The following PTPN13 variants were observed in gnomAD, a reference collection of about 807,000 sequenced individuals.
PTPN13 encodes protein tyrosine phosphatase non-receptor type 13, also known as tyrosine-protein phosphatase non-receptor type 13.
Under a neutral mutation model 284.0 loss-of-function variants are expected in PTPN13, and 191 were observed. The observed-to-expected ratio is 0.67, with a 90% CI of 0.60 to 0.76. The LOEUF is 0.76. Ranked by LOEUF, PTPN13 falls within the 30% of genes least tolerant of loss-of-function variation. PTPN13 has a pLI of 0.00. For missense variants in PTPN13, 2,797 were observed against 2,939.9 expected (o/e 0.95, Z 1.12); for synonymous variants, 986 against 1,022.3 (o/e 0.96, Z 0.68).
At chr4:86,707,732 A>C (rs1260693847) in intron 7 of PTPN13, among the ~76,000 whole-genome samples, 2 of 152,128 alleles carry the variant, frequency 1.3e-5, no homozygotes, top group African/African-American at 4.8e-5. Flanking sequence ...GTTATTATTT[A>C]AGTTACTCCG....
intron 43 of PTPN13, 23 bp from the exon 44 acceptor site, chr4:86,805,256 T>C: frequency 6.7e-7 from 1 of 1,485,016 alleles, no homozygotes; most frequent in African/African-American, 1.4e-5. Context: ...CTCAACAAAT[T>C]TATTTCCATG....
At chr4:86,628,320 C>T (rs1722061775) in intron 1 of PTPN13, among the ~76,000 whole-genome samples, 1 of 151,830 alleles carries the variant, frequency 6.6e-6, no homozygotes, top group African/African-American at 2.4e-5. Context: ...TTCCTAATGA[C>T]TAATGATGTT....
chr4:86,806,314 T>C (rs1040655526), intron 44 of PTPN13, among the ~76,000 whole-genome samples: 1 of 152,166 alleles, frequency 6.6e-6, no homozygotes, highest in African/African-American at 2.4e-5. Context: ...GCCACATGTA[T>C]ATATGTTAGC....
intron 2 of PTPN13, among the ~76,000 whole-genome samples, chr4:86,650,539 A>T (rs1724969920): frequency 1.3e-5 from 2 of 152,010 alleles, no homozygotes; most frequent in South Asian, 4.1e-4. Context: ...CCTGCCTCAG[A>T]CTATCCACCT....
At chr4:86,723,273 G>T (rs540493418) in intron 10 of PTPN13, among the ~76,000 whole-genome samples, 1 of 152,286 alleles carries the variant, frequency 6.6e-6, no homozygotes, top group East Asian at 1.9e-4. Flanking sequence ...GCCAGCATTG[G>T]TCCATGGCCT....
At position 86,782,147 on chromosome 4, in the gene PTPN13, C is replaced by T. The variant is rs183579261; in HGVS notation, c.5963-54C>T. ...GAGTTTTCTTTAATTATTTTGATGT[C>T]CCTCTTGTGGTTTGGATTGGCTCAT... On this transcript the variant is annotated intron_variant, in intron 36 of 47. Transcript: ENST00000411767. 1.1e-3 allele frequency: 1,377 copies of T among 1,211,810 alleles called. 10 individuals are homozygous for T. The Admixed American group carries it at 0.013, about 11-fold the overall frequency. The allele number at this position is 1,211,810 out of a possible 1,614,324, so 75.1% of individuals were successfully genotyped here.
In PTPN13 at chr4:86,741,738, T is replaced by C; in HGVS notation, c.2409T>C (p.Leu803=). 1.9e-6 allele frequency: 3 copies of C among 1,613,520 alleles called. No individual in the cohort carries two copies. The highest frequency in any genetic ancestry group is 2.5e-6 in the Non-Finnish European group (3 of 1,179,676). The change falls in exon 16 of 48, where the codon CTT becomes CTC. Residue 803 remains leucine, a synonymous_variant. Coordinates refer to ENST00000411767, the MANE Select transcript of PTPN13 (RefSeq NM_080683.3). ...TTGGAGTCTGTTCTAAAGGTGTCCT[T>C]GTGTTTGAAGTTCACAATGGAGTGC... ...ILLGVCSKGV[L]VFEVHNGVRT...
In PTPN13 at chr4:86,701,533, T is replaced by C. The variant is rs1236341271; in HGVS notation, c.927T>C (p.Ala309=). Residue 309 remains alanine (A), a synonymous_variant, in exon 7 of 48, where the codon GCT becomes GCC. Coordinates refer to ENST00000411767, the MANE Select transcript of PTPN13 (RefSeq NM_080683.3). ...WASSMDLLCT[A]DRDFSSGETA... is the part of the protein sequence containing the mutation. ...CATCCATGGACTTGCTTTGTACAGC[T>C]GACAGAGACTTCTCTTCAGGAGAGA... is the stretch of plus-strand genomic sequence containing the variant. The C allele has an allele frequency of 9.9e-6, 16 of 1,614,026 alleles. No individual in the cohort carries two copies. The highest frequency in any genetic ancestry group is 1.3e-5 in the Non-Finnish European group (15 of 1,179,884).
chr4:86,807,637 G>A lies in PTPN13; in HGVS notation c.6823G>A (p.Glu2275Lys). 6.2e-7 allele frequency: 1 copy of A among 1,614,000 alleles called. No homozygotes were observed. The change falls in exon 45 of 48, where the codon GAA (glutamate) becomes AAA (lysine). Residue 2275 changes from glutamate to lysine, a missense_variant. By Grantham distance (56) the Glu-to-Lys change is moderately conservative (BLOSUM62 1). Transcript: ENST00000411767. ...CTTCATTAAGATACCAGTTGGGAAA[G>A]AAGAGTTCGTTTACATTGCCTGCCA... ...ASFIKIPVGKEEFVYIACQGP... is the reference protein window; with the variant it reads ...ASFIKIPVGKKEFVYIACQGP...
intron 47 of PTPN13, among the ~76,000 whole-genome samples, chr4:86,812,194 C>T (rs1745283613): frequency 6.7e-6 from 1 of 149,884 alleles, no homozygotes; most frequent in African/African-American, 2.4e-5. Flanking sequence ...CCTGTAGTCC[C>T]AGCTACTTGG....
Position 86,734,876 on chromosome 4 carries a change from G to A in PTPN13, c.2151+1G>A. 1 of 1,608,860 alleles carries A rather than the reference G, an allele frequency of 6.2e-7. No homozygotes were observed. The highest frequency in any genetic ancestry group is 8.5e-7 in the Non-Finnish European group (1 of 1,176,196). On this transcript the variant is annotated splice_donor_variant, in intron 14 of 47. Transcript: ENST00000411767. LOFTEE classifies it high-confidence loss of function. ...TGAGTATGGAGATTATCAACCAGAG[G>A]TAGGATTTGTGTTTTTTTCCAGGAC...
chr4:86,613,072 C>A (rs1401663396), intron 1 of PTPN13, among the ~76,000 whole-genome samples: 1 of 152,186 alleles, frequency 6.6e-6, no homozygotes, highest in East Asian at 1.9e-4. Context: ...GTATCTGATA[C>A]TTTTCTAATT....
intron 27 of PTPN13, among the ~76,000 whole-genome samples, chr4:86,767,200 T>TG (rs370194696): frequency 1.9e-3 from 281 of 151,374 alleles, no homozygotes; most frequent in African/African-American, 6.6e-3. Flanking sequence ...ACCAAAGTGC[T>TG]GGGACTACAG....
intron 2 of PTPN13, among the ~76,000 whole-genome samples, chr4:86,667,139 C>T (rs1727178021): frequency 6.6e-6 from 1 of 152,150 alleles, no homozygotes; most frequent in African/African-American, 2.4e-5. Flanking sequence ...CTTTCCAAAT[C>T]TTCTAGGTGA....
intron 2 of PTPN13, among the ~76,000 whole-genome samples, chr4:86,639,083 T>A (rs1479595921): frequency 1.3e-5 from 2 of 152,020 alleles, no homozygotes; most frequent in Admixed American, 1.3e-4. Context: ...AAAATGCTCA[T>A]CATCACTGGC....
intron 40 of PTPN13, among the ~76,000 whole-genome samples, chr4:86,786,373 A>G (rs1022363048): frequency 2.6e-5 from 4 of 152,028 alleles, no homozygotes; most frequent in Admixed American, 6.6e-5. Context: ...TAGTCTTCCT[A>G]CTTCATATCT....
chr4:86,633,299 T>A (rs1722661122), intron 1 of PTPN13, among the ~76,000 whole-genome samples: 1 of 152,168 alleles, frequency 6.6e-6, no homozygotes, highest in Non-Finnish European at 1.5e-5. Flanking sequence ...TGATACAGTA[T>A]GTCTCCTCAC....
At chr4:86,792,131 T>A (rs780852979) in intron 40 of PTPN13, among the ~76,000 whole-genome samples, 1 of 152,196 alleles carries the variant, frequency 6.6e-6, no homozygotes, top group Non-Finnish European at 1.5e-5. Context: ...GATGAATGGC[T>A]AACTAGAATA....
At chr4:86,723,578 C>A (rs778796889) in intron 10 of PTPN13, among the ~76,000 whole-genome samples, 20 of 152,196 alleles carry the variant, frequency 1.3e-4, no homozygotes, top group Non-Finnish European at 2.8e-4. Flanking sequence ...TTGCAGATAA[C>A]TTTCTCCAAG....
Sources: allele counts gnomAD v4.1 joint callset (sites outside exome capture counted in the v4.1 genomes callset), GRCh38; gene constraint gnomAD v4.1.1; transcripts MANE v1.5; gene names NCBI Gene and HGNC (gene_info 2026-07-23, HGNC 2026-07-21).